PRPSAP1: variants seen among roughly 807,000 people sequenced by gnomAD.
The protein encoded by PRPSAP1 is phosphoribosyl pyrophosphate synthetase associated protein 1.
PRPSAP1 carries 31 observed loss-of-function variants against 39.4 expected under a neutral mutation model. The observed-to-expected ratio is 0.79, with a 90% CI of 0.59 to 1.06. The LOEUF (loss-of-function observed/expected upper bound fraction) is 1.06. Ranked by LOEUF, PRPSAP1 falls within the 50% of genes least tolerant of loss-of-function variation. The pLI is 0.00. For synonymous variants in PRPSAP1, 212 were observed against 192.6 expected (o/e 1.10, Z -0.83); for missense variants, 430 against 511.6 (o/e 0.84, Z 1.54).
chr17:76,342,491 A>G (rs1318834485), intron 3 of PRPSAP1, among the ~76,000 whole-genome samples: 3 of 152,016 alleles, frequency 2.0e-5, no homozygotes, highest in African/African-American at 7.2e-5. Context: ...AGGCGGGTGG[A>G]TCACTTCTTA....
At chr17:76,321,577 A>G (rs878877195) in intron 7 of PRPSAP1, among the ~76,000 whole-genome samples, 1 of 152,048 alleles carries the variant, frequency 6.6e-6, no homozygotes, top group Admixed American at 6.6e-5. Context: ...TGACTGCTCC[A>G]CTGACCTGCT....
intron 1 of PRPSAP1, among the ~76,000 whole-genome samples, chr17:76,351,524 C>A (rs1189928550): frequency 6.7e-6 from 1 of 149,316 alleles, no homozygotes; most frequent in Non-Finnish European, 1.5e-5. Flanking sequence ...AAACAAAAAA[C>A]AAAAAACAAA....
At position 76,310,471 on chromosome 17, in the gene PRPSAP1, G is replaced by GT. The variant is rs35037723; in HGVS notation, c.*1070dup. 0.11 allele frequency: 15,335 copies of GT among 145,628 alleles called. 939 individuals are homozygous for GT. The highest frequency in any genetic ancestry group is 0.17 in the South Asian group (803 of 4,608). 9.0% of individuals were successfully genotyped at this position (145,628 alleles called of 1,614,324 possible). On this transcript the variant is annotated 3_prime_UTR_variant, in exon 10 of 10. Coordinates refer to ENST00000446526, the MANE Select transcript of PRPSAP1 (RefSeq NM_002766.3). ...AGGCATAAGACACGATCCCTGGCCT[G>GT]TTTTTTTTTTTTGAGACAGGGTGTT...
intron 8 of PRPSAP1, 140 bp downstream of exon 8, chr17:76,313,681 T>G (rs892833785): frequency 1.1e-6 from 1 of 877,446 alleles, no homozygotes; most frequent in African/African-American, 1.7e-5. Flanking sequence ...TTCTGCCACT[T>G]GGCACAAGGG....
At chr17:76,347,705 T>G (rs551828834) in intron 2 of PRPSAP1, among the ~76,000 whole-genome samples, 67 of 152,126 alleles carry the variant, frequency 4.4e-4, no homozygotes, top group Non-Finnish European at 7.6e-4. Context: ...GACTGCTGGC[T>G]ACTGTGTGAA....
chr17:76,312,084 C>T (rs2071075788), intron 9 of PRPSAP1, among the ~76,000 whole-genome samples: 1 of 152,162 alleles, frequency 6.6e-6, no homozygotes, highest in Non-Finnish European at 1.5e-5. Context: ...ACATAACTCT[C>T]AACTTATGAC....
chr17:76,313,465 G>A (rs1361304334), intron 8 of PRPSAP1: 2 of 288,532 alleles, frequency 6.9e-6, no homozygotes, highest in South Asian at 7.1e-5. Flanking sequence ...GTCTGCACGG[G>A]GACACCCATT....
chr17:76,341,029 G>A (rs974063439), intron 3 of PRPSAP1, among the ~76,000 whole-genome samples: 6 of 151,850 alleles, frequency 4.0e-5, no homozygotes, highest in South Asian at 2.1e-4. Context: ...AGGTTATAAC[G>A]TCTTAGCTCC....
chr17:76,318,748 T>C (rs73996330), intron 7 of PRPSAP1, among the ~76,000 whole-genome samples: 20,000 of 152,140 alleles, frequency 0.13, 3,002 homozygotes, highest in African/African-American at 0.37. Flanking sequence ...AATGTAAACA[T>C]ACCACTATGT....
chr17:76,346,045 T>C, intron 2 of PRPSAP1: 1 of 416,562 alleles, frequency 2.4e-6, no homozygotes, highest in South Asian at 1.9e-5. Context: ...GGGGAATGAC[T>C]CTATGGGAAG....
intron 1 of PRPSAP1, among the ~76,000 whole-genome samples, chr17:76,349,891 G>A (rs530043293): frequency 4.5e-4 from 68 of 150,804 alleles, no homozygotes; most frequent in African/African-American, 1.5e-3. Flanking sequence ...TTCGAGACCC[G>A]CCTGGGCAAC....
intron 7 of PRPSAP1, among the ~76,000 whole-genome samples, chr17:76,320,284 A>C (rs2071176148): frequency 1.5e-5 from 1 of 65,316 alleles, no homozygotes; most frequent in Non-Finnish European, 2.5e-5. Flanking sequence ...AAAGAAAGAA[A>C]AGAAAGAAAG....
intron 7 of PRPSAP1, among the ~76,000 whole-genome samples, chr17:76,325,411 C>CA (rs761293363): frequency 0.4 from 7,605 of 18,864 alleles, 2,938 homozygotes; most frequent in Non-Finnish European, 0.5. Flanking sequence ...GACTCAGTCT[C>CA]AAAAAAAAAA....
At chr17:76,344,573 A>G in intron 3 of PRPSAP1, 98 bp downstream of exon 3, 1 of 1,130,024 alleles carries the variant, frequency 8.8e-7, no homozygotes, top group Non-Finnish European at 1.3e-6. Flanking sequence ...CTGAATATAT[A>G]ACTTTTAAAA....
chr17:76,332,215 A>G (rs920527502), intron 4 of PRPSAP1, 48 bp downstream of exon 4: 3 of 1,584,992 alleles, frequency 1.9e-6, no homozygotes, highest in Non-Finnish European at 2.6e-6. Context: ...ACTAGGAAAG[A>G]GCCCTAAAGG....
At chr17:76,348,765 C>T (rs181575771) in intron 1 of PRPSAP1, among the ~76,000 whole-genome samples, 184 bp from the exon 2 acceptor site, 53 of 152,278 alleles carry the variant, frequency 3.5e-4, no homozygotes, top group Admixed American at 2.6e-3. Flanking sequence ...CAGCTCACCA[C>T]GTTGTAACAT....
intron 2 of PRPSAP1, among the ~76,000 whole-genome samples, chr17:76,345,422 G>A (rs533586550): frequency 4.0e-5 from 6 of 151,544 alleles, no homozygotes; most frequent in African/African-American, 9.7e-5. Context: ...AGCCGTGATC[G>A]CGCCACTGCA....
At chr17:76,319,751 C>T (rs1023212590) in intron 7 of PRPSAP1, among the ~76,000 whole-genome samples, 4 of 151,968 alleles carry the variant, frequency 2.6e-5, no homozygotes, top group African/African-American at 9.7e-5. Flanking sequence ...CCGTGCCTGG[C>T]CTGACTGATT....
intron 1 of PRPSAP1, among the ~76,000 whole-genome samples, chr17:76,352,444 A>G (rs1199694072): frequency 2.6e-4 from 39 of 151,918 alleles, no homozygotes; most frequent in Admixed American, 2.5e-3. Context: ...AGAAGATCGA[A>G]ACCATCCTGG....
Sources: gnomAD v4.1 joint callset for allele counts (sites outside exome capture counted in the v4.1 genomes callset) on GRCh38, gnomAD v4.1.1 for gene constraint, MANE v1.5 for transcripts, NCBI Gene and HGNC (gene_info 2026-07-23, HGNC 2026-07-21) for gene names.